The following RXRB variants were observed in gnomAD, a reference collection of about 807,000 sequenced individuals.
RXRB encodes the protein retinoic acid receptor RXR-beta.
In RXRB, 18 loss-of-function variants were observed where a neutral mutation model predicts 52.5. The observed-to-expected ratio is 0.34, with a 90% confidence interval of 0.24 to 0.51. The LOEUF is 0.51. RXRB is among the 20% of genes least tolerant of loss of function. The probability of loss-of-function intolerance (pLI) is 0.97; values close to 1 mark genes in which losing one functional copy is unlikely to be tolerated. For missense variants in RXRB, 455 were observed against 698.2 expected (o/e 0.65, Z 3.92); for synonymous variants, 233 against 267.1 (o/e 0.87, Z 1.25).
At chr6:33,198,584 G>T in intron 2 of RXRB, 120 bp from the exon 3 acceptor site, 2 of 976,698 alleles carry the variant, frequency 2.0e-6, no homozygotes, top group Non-Finnish European at 3.3e-6. Context: ...TCCAGAGGCT[G>T]TCATTTACAC....
chr6:33,195,229 T>C lies in RXRB; in HGVS notation c.1348+134A>G. ...GGGATGGATCCGTGGATGTGGGTTT[T>C]TCCTCGGCCAGTTGGGAGATTTCCA... On this transcript the variant is annotated intron_variant, in intron 8 of 9. Coordinates refer to ENST00000374680, the MANE Select transcript of RXRB (RefSeq NM_021976.5). The surrounding 1 kb of genome is among the most constrained non-coding windows in gnomAD (Gnocchi z 8.6). 1.3e-6 allele frequency: 1 copy of C among 777,700 alleles called. No individual in the cohort carries two copies. The highest frequency in any genetic ancestry group is 2.2e-6 in the Non-Finnish European group (1 of 455,514). 48.2% of individuals were successfully genotyped at this position (777,700 alleles called of 1,614,324 possible). A position where few individuals can be genotyped will look rare whatever the true frequency, so the allele number is the denominator to read the frequency against.
In RXRB at chr6:33,196,660, G is replaced by A; in HGVS notation, c.821-54C>T. 6.8e-7 allele frequency: 1 copy of A among 1,474,990 alleles called. No individual in the cohort carries two copies. 91.4% of individuals were successfully genotyped at this position (1,474,990 alleles called of 1,614,324 possible). A position where few individuals can be genotyped will look rare whatever the true frequency, so the allele number is the denominator to read the frequency against. On this transcript the variant is annotated intron_variant, in intron 4 of 9. Transcript: ENST00000374680. The surrounding 1 kb of genome is among the most constrained non-coding windows in gnomAD (Gnocchi z 4.0). Reference sequence around the variant, plus strand: ...GGAAAGTCAGCAGCCAGCCATGAAGGGGTTCCACAAATATCCTTACGGCCT... The same window carrying A: ...GGAAAGTCAGCAGCCAGCCATGAAGAGGTTCCACAAATATCCTTACGGCCT...
Position 33,197,871 on chromosome 6 carries a change from A to G in RXRB, c.711T>C (p.Leu237=), listed in dbSNP as rs2150667105. The change falls in exon 4 of 10, where the codon CTT becomes CTC. Residue 237 remains leucine (L), a synonymous_variant. Coordinates refer to ENST00000374680, the MANE Select transcript of RXRB (RefSeq NM_021976.5). This position sits in a 1 kb window ranked among gnomAD's most constrained non-coding sequence, Gnocchi z 4.4. ...CTTTGTTGTCCCGGCAAGAGTATGT[A>G]AGGTCTTTGCGGATGGTGCGTTTGA... The part of the protein sequence containing the change: ...GFFKRTIRKD[L]TYSCRDNKDC... 6.2e-7 allele frequency: 1 copy of G among 1,613,738 alleles called. No individual in the cohort carries two copies. Among genetic ancestry groups the G allele is most frequent in the East Asian group, 2.2e-5 (1 of 44,886 alleles).
upstream of RXRB, chr6:33,200,730 C>T (rs1369389855): frequency 1.3e-6 from 2 of 1,545,858 alleles, no homozygotes; most frequent in South Asian, 1.2e-5. The surrounding 1 kb of genome is among the most constrained non-coding windows in gnomAD (Gnocchi z 6.3). Flanking sequence ...CTCCTCCGGC[C>T]TGTTAGCCCG....
chr6:33,197,972 G>A lies in RXRB; in HGVS notation c.641-31C>T, dbSNP rs376575293. The A allele has an allele frequency of 6.9e-6, 11 of 1,601,882 alleles. No homozygotes were observed. The highest frequency in any genetic ancestry group is 7.7e-6 in the Non-Finnish European group (9 of 1,172,872). On this transcript the variant is annotated intron_variant, in intron 3 of 9. Coordinates refer to ENST00000374680, the MANE Select transcript of RXRB (RefSeq NM_021976.5). This position sits in a 1 kb window ranked among gnomAD's most constrained non-coding sequence, Gnocchi z 4.4. ...GGGAAAGGGGAGGAGCAATAAGAAGGTTGCATGGAGACACCTTCACCATTT... is the reference window on the plus strand; with the variant it reads ...GGGAAAGGGGAGGAGCAATAAGAAGATTGCATGGAGACACCTTCACCATTT...
At chr6:33,198,127 C>G (rs1774062409) in intron 3 of RXRB, among the ~76,000 whole-genome samples, 181 bp downstream of exon 3, 1 of 152,236 alleles carries the variant, frequency 6.6e-6, no homozygotes, top group South Asian at 2.1e-4. Context: ...CTACACGCTG[C>G]TTCCTTTTCC....
chr6:33,198,161 T>C, intron 3 of RXRB, 147 bp downstream of exon 3: 1 of 1,234,106 alleles, frequency 8.1e-7, no homozygotes, highest in Non-Finnish European at 1.2e-6. Flanking sequence ...CCCAATCGCG[T>C]CCTACATCTC....
In RXRB at chr6:33,196,051, G is replaced by T; in HGVS notation, c.994-15C>A. 6.2e-7 allele frequency: 1 copy of T among 1,612,864 alleles called. No individual in the cohort carries two copies. The highest frequency in any genetic ancestry group is 8.5e-7 in the Non-Finnish European group (1 of 1,179,900). On this transcript the variant is annotated splice_polypyrimidine_tract_variant and intron_variant, in intron 5 of 9. Transcript: ENST00000374680. This position sits in a 1 kb window ranked among gnomAD's most constrained non-coding sequence, Gnocchi z 4.0. ...GGGTCATTTGGCTGCAGGGGACGGG[G>T]GTAAGAGTTATGGAAGATTTTGAGA...
chr6:33,195,818 C>G lies in RXRB; in HGVS notation c.1123+89G>C, dbSNP rs758324335. ...GTCAGCAAGTTTGGCTCCCTGGGTA[C>G]GCAAGGTAAGGCCACTGGGGTCACT... On this transcript the variant is annotated intron_variant, in intron 6 of 9. Coordinates refer to ENST00000374680, the MANE Select transcript of RXRB (RefSeq NM_021976.5). The surrounding 1 kb of genome is among the most constrained non-coding windows in gnomAD (Gnocchi z 8.6). 27 of 1,600,282 alleles carry G rather than the reference C, an allele frequency of 1.7e-5. No individual in the cohort carries two copies. Among genetic ancestry groups the G allele is most frequent in the Non-Finnish European group, 4.3e-6 (5 of 1,172,558 alleles).
In RXRB at chr6:33,197,962, C is replaced by A. The variant is rs1303757545; in HGVS notation, c.641-21G>T. On this transcript the variant is annotated intron_variant, in intron 3 of 9. Coordinates refer to ENST00000374680, the MANE Select transcript of RXRB (RefSeq NM_021976.5). The surrounding 1 kb of genome is among the most constrained non-coding windows in gnomAD (Gnocchi z 4.4). Reference sequence around the variant, plus strand: ...TTTGCCTACAGGGAAAGGGGAGGAGCAATAAGAAGGTTGCATGGAGACACC... The same window carrying A: ...TTTGCCTACAGGGAAAGGGGAGGAGAAATAAGAAGGTTGCATGGAGACACC... 6.2e-7 allele frequency: 1 copy of A among 1,609,254 alleles called. No homozygotes were observed. Among genetic ancestry groups the A allele is most frequent in the Middle Eastern group, 1.6e-4 (1 of 6,078 alleles).
Position 33,200,385 on chromosome 6 carries a change from C to T in RXRB, c.92G>A (p.Gly31Glu). The T allele has an allele frequency of 6.4e-7, 1 of 1,564,614 alleles. No individual in the cohort carries two copies. The highest frequency in any genetic ancestry group is 8.6e-7 in the Non-Finnish European group (1 of 1,156,890). The change falls in exon 1 of 10, where the codon GGG (glycine) becomes GAG (glutamate). Residue 31 changes from glycine (G) to glutamate (E), a missense_variant. By Grantham distance (98) the Gly-to-Glu change is moderately conservative. This residue lies in a region of RXRB where 225 missense variants were observed against 258.6 expected (regional missense o/e 0.87). Transcript: ENST00000374680. The surrounding 1 kb of genome is among the most constrained non-coding windows in gnomAD (Gnocchi z 6.3). Reference sequence around the variant, plus strand: ...TCGCCGCCGCCACCGGGACGCGACCCCACAATGCATTTCTTTTCGCACCCC... The same window carrying T: ...TCGCCGCCGCCACCGGGACGCGACCTCACAATGCATTTCTTTTCGCACCCC... ...PVGVRKEMHC[G>E]VASRWRRRRP...
chr6:33,200,282 TGGCTCC>T lies in RXRB; in HGVS notation c.189_194del (p.Glu64_Pro65del), dbSNP rs1292469491. 6.2e-7 allele frequency: 1 copy of T among 1,606,458 alleles called. No individual in the cohort carries two copies. Among genetic ancestry groups the T allele is most frequent in the Non-Finnish European group, 8.5e-7 (1 of 1,178,724 alleles). ...CCATCCCGTCCCGTCCAGCCTCCCC[TGGCTCC>T]GGCTCCGGGGTTTGTTGTTCTCCGC... On this transcript the variant is annotated inframe_deletion, in exon 1 of 10. Coordinates refer to ENST00000374680, the MANE Select transcript of RXRB (RefSeq NM_021976.5). This position sits in a 1 kb window ranked among gnomAD's most constrained non-coding sequence, Gnocchi z 6.3.
chr6:33,199,529 G>A, intron 1 of RXRB, 113 bp from the exon 2 acceptor site: 2 of 875,582 alleles, frequency 2.3e-6, no homozygotes, highest in Non-Finnish European at 3.2e-6. Flanking sequence ...ATACCCCACC[G>A]TGCCGGACCC....
rs368759650 is a variant in RXRB, at chr6:33,198,130, C to T, written c.640+178G>A. On this transcript the variant is annotated intron_variant, in intron 3 of 9. Transcript: ENST00000374680. ...TGTTCAGAAACCCTACACGCTGCTTCCTTTTCCCTCTGACCTTCCCCCCAA... is the reference window on the plus strand; with the variant it reads ...TGTTCAGAAACCCTACACGCTGCTTTCTTTTCCCTCTGACCTTCCCCCCAA... Among the ~76,000 whole-genome samples, 236 of 152,342 alleles carry T rather than the reference C, an allele frequency of 1.5e-3. 5 individuals carry two copies. The South Asian group carries it at 0.033, about 21-fold the overall frequency.
At position 33,198,329 on chromosome 6, in the gene RXRB, T is replaced by C; in HGVS notation, c.619A>G (p.Ile207Val). The C allele has an allele frequency of 6.2e-7, 1 of 1,613,066 alleles. No homozygotes were observed. The highest frequency in any genetic ancestry group is 1.7e-5 in the Admixed American group (1 of 60,024). ...ATACCTGAGCTTCTGTCCCCGCAGATTGCACATAGCCGTTTGCCAGCCCCA... is the reference window on the plus strand; with the variant it reads ...ATACCTGAGCTTCTGTCCCCGCAGACTGCACATAGCCGTTTGCCAGCCCCA... ...GPGAGKRLCA[I>V]CGDRSSGKHY... The change falls in exon 3 of 10, where the codon ATC becomes GTC. Residue 207 changes from isoleucine (I) to valine (V), a missense_variant. Around this residue, in one of 4 missense-constraint regions of RXRB, gnomAD observed 15 missense variants for 44.5 expected, o/e 0.34. Transcript: ENST00000374680.
intron 2 of RXRB, 185 bp from the exon 3 acceptor site, chr6:33,198,649 G>C: frequency 1.4e-6 from 1 of 713,556 alleles, no homozygotes; most frequent in Non-Finnish European, 2.5e-6. Flanking sequence ...GAATAAACAG[G>C]CCCCCCCTGA....
In RXRB at chr6:33,195,509, C is replaced by G; in HGVS notation, c.1257-55G>C. The G allele has an allele frequency of 6.2e-7, 1 of 1,612,652 alleles. No individual in the cohort carries two copies. The highest frequency in any genetic ancestry group is 8.5e-7 in the Non-Finnish European group (1 of 1,179,638). ...GTCACAGCTCAGCCAGCCTTGGACA[C>G]GGACCAGCCTATAGCCCCACCCCCT... On this transcript the variant is annotated intron_variant, in intron 7 of 9. Coordinates refer to ENST00000374680, the MANE Select transcript of RXRB (RefSeq NM_021976.5). The surrounding 1 kb of genome is among the most constrained non-coding windows in gnomAD (Gnocchi z 8.6).
Position 33,197,659 on chromosome 6 carries a change from A to G in RXRB, c.820+103T>C. 1 of 1,034,732 alleles carries G rather than the reference A, an allele frequency of 9.7e-7. No homozygotes were observed. The highest frequency in any genetic ancestry group is 1.5e-5 in the South Asian group (1 of 65,642). The allele number at this position is 1,034,732 out of a possible 1,614,324, so 64.1% of individuals were successfully genotyped here. ...AGAGAGAAATCAAATATCGCCCTCT[A>G]GAGGAGAGAGAGCAGTCCACCCTTC... On this transcript the variant is annotated intron_variant, in intron 4 of 9. Transcript: ENST00000374680. This position sits in a 1 kb window ranked among gnomAD's most constrained non-coding sequence, Gnocchi z 4.4.
Position 33,199,211 on chromosome 6 carries a change from A to AG in RXRB, c.440dup (p.Pro148SerfsTer16). 1 of 1,213,264 alleles carries AG rather than the reference A, an allele frequency of 8.2e-7. No individual in the cohort carries two copies. The highest frequency in any genetic ancestry group is 4.6e-5 in the Admixed American group (1 of 21,664). 75.2% of individuals were successfully genotyped at this position (1,213,264 alleles called of 1,614,324 possible). A position where few individuals can be genotyped will look rare whatever the true frequency, so the allele number is the denominator to read the frequency against. ...GCCCGGAGAATCCTGGGGGAGCTGGAGGGGGCAGACCAGGGGACCCCATGG... is the reference window on the plus strand; with the variant it reads ...GCCCGGAGAATCCTGGGGGAGCTGGAGGGGGGCAGACCAGGGGACCCCATGG... On this transcript the variant is annotated frameshift_variant, in exon 2 of 10. Coordinates refer to ENST00000374680, the MANE Select transcript of RXRB (RefSeq NM_021976.5). LOFTEE classifies it high-confidence loss of function.
Sources: allele counts gnomAD v4.1 joint callset (sites outside exome capture counted in the v4.1 genomes callset), GRCh38; gene constraint gnomAD v4.1.1; regional missense constraint gnomAD v4.1.1; non-coding constraint Gnocchi (gnomAD v3.1); transcripts MANE v1.5; gene names NCBI Gene and HGNC (gene_info 2026-07-23, HGNC 2026-07-21).